CMPK1: variants seen among roughly 807,000 people sequenced by gnomAD.
CMPK1 encodes the protein UMP-CMP kinase.
A neutral mutation model predicts 25.7 loss-of-function variants in CMPK1; 10 were observed. That is an observed-to-expected ratio of 0.39 (90% CI 0.24 to 0.66). The LOEUF (loss-of-function observed/expected upper bound fraction) is 0.66. Ranked by LOEUF, CMPK1 falls within the 30% of genes least tolerant of loss-of-function variation. The pLI, the probability that CMPK1 is intolerant of heterozygous loss-of-function variation, is 0.48. For missense variants in CMPK1, 199 were observed against 280.5 expected, an observed-to-expected ratio of 0.71 and a Z score of 2.08; for synonymous variants, 106 against 101.5, an observed-to-expected ratio of 1.04 and a Z score of -0.27.
At chr1:47,361,957 G>A (rs1557811109) in intron 1 of CMPK1, among the ~76,000 whole-genome samples, 1 of 140,306 alleles carries the variant, frequency 7.1e-6, no homozygotes, top group African/African-American at 2.7e-5. Context: ...CACAACCTCC[G>A]CCTCCCAGGT....
At chr1:47,347,714 C>T (rs1397048481) in intron 1 of CMPK1, among the ~76,000 whole-genome samples, 1 of 152,172 alleles carries the variant, frequency 6.6e-6, no homozygotes, top group Non-Finnish European at 1.5e-5. Context: ...CAACCTGTGT[C>T]TCCCAGGTTC....
At chr1:47,356,128 C>T (rs1457240831) in intron 1 of CMPK1, among the ~76,000 whole-genome samples, 1 of 152,124 alleles carries the variant, frequency 6.6e-6, no homozygotes, top group Non-Finnish European at 1.5e-5. Flanking sequence ...CTAGTACTGT[C>T]ATAGGGTTTT....
intron 1 of CMPK1, among the ~76,000 whole-genome samples, chr1:47,368,141 G>T (rs1350259654): frequency 6.6e-6 from 1 of 151,804 alleles, no homozygotes; most frequent in Admixed American, 6.6e-5. Flanking sequence ...GAGAGATGGG[G>T]TTTCACCATG....
At chr1:47,355,238 G>A (rs140321648) in intron 1 of CMPK1, among the ~76,000 whole-genome samples, 143 of 151,758 alleles carry the variant, frequency 9.4e-4, no homozygotes, top group African/African-American at 3.3e-3. Context: ...TGGAGACAGG[G>A]TTTCGCTATG....
At chr1:47,342,915 T>C (rs2149325545) in intron 1 of CMPK1, among the ~76,000 whole-genome samples, 1 of 152,088 alleles carries the variant, frequency 6.6e-6, no homozygotes, top group East Asian at 1.9e-4. Flanking sequence ...CCCAAAGTGC[T>C]AGGATTACAG....
intron 1 of CMPK1, among the ~76,000 whole-genome samples, chr1:47,346,929 G>A (rs890766528): frequency 2.7e-5 from 4 of 149,056 alleles, no homozygotes; most frequent in South Asian, 2.1e-4. Flanking sequence ...GATTACAGGC[G>A]CCCGCCACCA....
intron 1 of CMPK1, among the ~76,000 whole-genome samples, chr1:47,359,810 C>G (rs1352415954): frequency 6.6e-6 from 1 of 152,146 alleles, no homozygotes; most frequent in Admixed American, 6.6e-5. Context: ...CCACACCCAG[C>G]CTGAAACCTT....
At position 47,373,069 on chromosome 1, in the gene CMPK1, G is replaced by A; in HGVS notation, c.433G>A (p.Asp145Asn). The change falls in exon 3 of 6, where the codon GAT becomes AAT. Residue 145 changes from aspartate to asparagine, a missense_variant. By Grantham distance (23) the Asp-to-Asn change is conservative. This residue lies in a region of CMPK1 where 140 missense variants were observed against 235.5 expected (regional missense o/e 0.59). Transcript: ENST00000371873. ...GWNKTMDGKA[D>N]VSFVLFFDCN... ...GAACAAGACCATGGATGGGAAGGCA[G>A]ATGTATCTTTCGTTCTCTTTTTTGA... 1 of 1,610,122 alleles carries A rather than the reference G, an allele frequency of 6.2e-7. No homozygotes were observed. Among genetic ancestry groups the A allele is most frequent in the Non-Finnish European group, 8.5e-7 (1 of 1,177,788 alleles).
At chr1:47,369,988 C>T (rs1646667014) in intron 2 of CMPK1, among the ~76,000 whole-genome samples, 1 of 142,982 alleles carries the variant, frequency 7.0e-6, no homozygotes, top group Non-Finnish European at 1.5e-5. Context: ...GAACTCGGCT[C>T]ACTGCAAGCT....
At chr1:47,340,851 G>A (rs868788585) in intron 1 of CMPK1, among the ~76,000 whole-genome samples, 60 of 152,166 alleles carry the variant, frequency 3.9e-4, no homozygotes, top group Admixed American at 1.5e-3. Context: ...TGGTCAGGCT[G>A]GTCTCGGACT....
chr1:47,349,825 A>G (rs1229432216), intron 1 of CMPK1, among the ~76,000 whole-genome samples: 1 of 151,968 alleles, frequency 6.6e-6, no homozygotes, highest in Non-Finnish European at 1.5e-5. Flanking sequence ...TCTTTTTTTG[A>G]GACAGGGTCT....
At position 47,378,176 on chromosome 1, in the gene CMPK1, T is replaced by C. The variant is rs1327891432; in HGVS notation, c.*1431T>C. 6.6e-6 allele frequency: 1 copy of C among 152,194 alleles called. No homozygotes were observed. The highest frequency in any genetic ancestry group is 1.5e-5 in the Non-Finnish European group (1 of 68,022). The allele number at this position is 152,194 out of a possible 1,614,324, so 9.4% of individuals were successfully genotyped here. On this transcript the variant is annotated 3_prime_UTR_variant, in exon 6 of 6. Coordinates refer to ENST00000371873, the MANE Select transcript of CMPK1 (RefSeq NM_016308.3). ...CATTTATTTCTATGTGTTATGAAAT[T>C]CACTTAATGATAAATTTTTCAACAT...
intron 1 of CMPK1, among the ~76,000 whole-genome samples, chr1:47,356,195 T>C (rs1486524530): frequency 6.6e-6 from 1 of 152,204 alleles, no homozygotes; most frequent in African/African-American, 2.4e-5. Flanking sequence ...TGTTGTAGTG[T>C]AATGCAGAGA....
rs1439248773 is a variant in CMPK1, at chr1:47,355,560, G to A, written c.172-12909G>A. On this transcript the variant is annotated intron_variant, in intron 1 of 5. Coordinates refer to ENST00000371873, the MANE Select transcript of CMPK1 (RefSeq NM_016308.3). ...AAACTCCTGACCTCGTAATCCACCCGCTTCAGCTTCCCAAAGTGCTGGGAT... is the reference window on the plus strand; with the variant it reads ...AAACTCCTGACCTCGTAATCCACCCACTTCAGCTTCCCAAAGTGCTGGGAT... 4.6e-5 allele frequency among the ~76,000 whole-genome samples: 7 copies of A among 151,700 alleles called. No individual in the cohort carries two copies. The East Asian group carries it at 1.4e-3, about 29-fold the overall frequency.
chr1:47,334,252 G>C, intron 1 of CMPK1, 136 bp downstream of exon 1: 1 of 864,806 alleles, frequency 1.2e-6, no homozygotes, highest in Non-Finnish European at 1.5e-6. Flanking sequence ...CGCCGCCCGC[G>C]TGGCAGTGGC....
At chr1:47,345,800 G>T (rs1169703022) in intron 1 of CMPK1, among the ~76,000 whole-genome samples, 1 of 150,488 alleles carries the variant, frequency 6.6e-6, no homozygotes, top group African/African-American at 2.4e-5. Flanking sequence ...TTGTTGTCCA[G>T]GCTGGAGTGC....
chr1:47,363,754 A>T (rs1001160485), intron 1 of CMPK1, among the ~76,000 whole-genome samples: 2 of 152,000 alleles, frequency 1.3e-5, no homozygotes, highest in Non-Finnish European at 2.9e-5. Context: ...ACCAGCCTGG[A>T]CAACATGGTG....
chr1:47,337,227 G>A (rs1646405450), intron 1 of CMPK1, among the ~76,000 whole-genome samples: 1 of 152,152 alleles, frequency 6.6e-6, no homozygotes, highest in Non-Finnish European at 1.5e-5. Flanking sequence ...AGCTTGCAGT[G>A]AGCCAAGATC....
At chr1:47,353,556 TTTGA>T (rs1314659574) in intron 1 of CMPK1, among the ~76,000 whole-genome samples, 9 of 152,322 alleles carry the variant, frequency 5.9e-5, no homozygotes, top group Admixed American at 2.0e-4. Flanking sequence ...TAGATAAGTT[TTTGA>T]TTGTGCAGGT....
Sources: allele counts gnomAD v4.1 joint callset (sites outside exome capture counted in the v4.1 genomes callset), GRCh38; gene constraint gnomAD v4.1.1; regional missense constraint gnomAD v4.1.1; transcripts MANE v1.5; gene names NCBI Gene and HGNC (gene_info 2026-07-23, HGNC 2026-07-21).